The following OSBPL10 variants were observed in gnomAD, a reference collection of about 807,000 sequenced individuals.
OSBPL10 encodes oxysterol binding protein like 10, also known as oxysterol-binding protein-related protein 10.
A neutral mutation model predicts 81.7 loss-of-function variants in OSBPL10; 49 were observed. The ratio of observed to expected loss-of-function variants is 0.60; its 90% CI spans 0.48 to 0.76. The LOEUF (loss-of-function observed/expected upper bound fraction) is 0.76, where lower values mean the gene tolerates loss of function less well. Among genes scored for constraint, OSBPL10 ranks in the 30% least tolerant of loss-of-function variants. The pLI is 0.00. For synonymous variants in OSBPL10, 419 were observed against 383.6 expected, an observed-to-expected ratio of 1.09 and a Z score of -1.08; for missense variants, 923 against 987.8, an observed-to-expected ratio of 0.93 and a Z score of 0.88.
chr3:32,073,001 A>C (rs1255273870), intron 1 of OSBPL10, among the ~76,000 whole-genome samples: 1 of 152,120 alleles, frequency 6.6e-6, no homozygotes, highest in Non-Finnish European at 1.5e-5. Context: ...ACCGTCCTCA[A>C]TCTTCAGGAA....
intron 6 of OSBPL10, among the ~76,000 whole-genome samples, chr3:31,726,482 A>G (rs1437434166): frequency 1.3e-5 from 2 of 151,098 alleles, no homozygotes; most frequent in Non-Finnish European, 3.0e-5. Flanking sequence ...ATGCCCAGCT[A>G]ATTTTTGTAT....
chr3:31,762,629 C>CCTTTTTTTTTTTTTTTTT (rs1491572896), intron 4 of OSBPL10, among the ~76,000 whole-genome samples: 2 of 17,232 alleles, frequency 1.2e-4, no homozygotes, highest in Non-Finnish European at 1.8e-4. Flanking sequence ...CCATGCCCAG[C>CCTTTTTTTTTTTTTTTTT]ATTTTTTTTT....
At chr3:31,812,806 G>GAA (rs1277757141) in intron 4 of OSBPL10, among the ~76,000 whole-genome samples, 1 of 51,686 alleles carries the variant, frequency 1.9e-5, no homozygotes, top group Non-Finnish European at 3.7e-5. Flanking sequence ...AAGAAAGAAA[G>GAA]AAAGAAAGAA....
chr3:31,754,172 C>T (rs1044320925), intron 4 of OSBPL10, among the ~76,000 whole-genome samples: 4 of 152,134 alleles, frequency 2.6e-5, no homozygotes, highest in African/African-American at 9.7e-5. Flanking sequence ...GCCCTCCAAG[C>T]GTTCCCTTTA....
Position 31,965,706 on chromosome 3 carries a change from ATATAAAATATATAATATAAT to A in OSBPL10, c.281+15173_281+15192del, listed in dbSNP as rs1559535200. Among the ~76,000 whole-genome samples the A allele has an allele frequency of 1.6e-4, 11 of 66,862 alleles. 1 individual carries two copies. Among genetic ancestry groups the A allele is most frequent in the African/African-American group, 7.5e-4 (11 of 14,704 alleles). The allele number at this position is 66,862 out of a possible 152,430, so 43.9% of individuals were successfully genotyped here. A position where few individuals can be genotyped will look rare whatever the true frequency, so the allele number is the denominator to read the frequency against. On this transcript the variant is annotated intron_variant, in intron 1 of 11. Coordinates refer to ENST00000396556, the MANE Select transcript of OSBPL10 (RefSeq NM_017784.5). ...TATTATATAAAATATATAATATATTATATAAAATATATAATATAATATATATTATCTATTTATATAATATA... is the reference window on the plus strand; with the variant it reads ...TATTATATAAAATATATAATATATTAATATATTATCTATTTATATAATATA...
intron 1 of OSBPL10, among the ~76,000 whole-genome samples, chr3:31,951,798 G>T (rs556690716): frequency 2.3e-4 from 35 of 151,888 alleles, no homozygotes; most frequent in African/African-American, 7.7e-4. Flanking sequence ...AGTTAAAAAG[G>T]TAGGATAACT....
chr3:31,683,569 A>G, intron 8 of OSBPL10, 65 bp downstream of exon 8: 3 of 1,537,326 alleles, frequency 2.0e-6, no homozygotes, highest in Non-Finnish European at 2.6e-6. Flanking sequence ...AAAATTATCA[A>G]TCATCTACCA....
intron 6 of OSBPL10, among the ~76,000 whole-genome samples, chr3:31,719,578 TGACA>T (rs558567164): frequency 3.3e-5 from 5 of 152,154 alleles, no homozygotes; most frequent in Non-Finnish European, 5.9e-5. Flanking sequence ...TTCTTAATGG[TGACA>T]GACAGGATAA....
intron 4 of OSBPL10, among the ~76,000 whole-genome samples, chr3:31,756,758 C>A (rs187047126): frequency 6.6e-6 from 1 of 152,300 alleles, no homozygotes; most frequent in African/African-American, 2.4e-5. Flanking sequence ...ATGATCTTCT[C>A]TAGTGTATTT....
chr3:31,937,572 G>A (rs72852937), intron 1 of OSBPL10, among the ~76,000 whole-genome samples: 2 of 151,936 alleles, frequency 1.3e-5, no homozygotes, highest in East Asian at 1.9e-4. Context: ...TTTCAGTCCT[G>A]TCCAAAGTTC....
chr3:31,975,568 C>G (rs1698674075), intron 1 of OSBPL10, among the ~76,000 whole-genome samples: 1 of 152,128 alleles, frequency 6.6e-6, no homozygotes, highest in African/African-American at 2.4e-5. Flanking sequence ...CTAATGGCCC[C>G]CAATGGGTGA....
chr3:31,917,143 G>A (rs7641636), intron 1 of OSBPL10, among the ~76,000 whole-genome samples: 56,135 of 151,890 alleles, frequency 0.37, 12,253 homozygotes, highest in Non-Finnish European at 0.5. Context: ...TGTCACAGCC[G>A]GGGTTCAGCA....
At chr3:31,973,247 C>T (rs748469074) in intron 1 of OSBPL10, among the ~76,000 whole-genome samples, 1 of 152,172 alleles carries the variant, frequency 6.6e-6, no homozygotes, top group Non-Finnish European at 1.5e-5. Context: ...GCACACCAAA[C>T]GCAGACAGCC....
intron 4 of OSBPL10, among the ~76,000 whole-genome samples, chr3:31,829,519 G>T (rs904066426): frequency 6.6e-6 from 1 of 152,132 alleles, no homozygotes; most frequent in Admixed American, 6.5e-5. Flanking sequence ...GAGGTTCGGG[G>T]CTGTCAGAAG....
chr3:31,995,899 T>C (rs753501854), intron 2 of OSBPL10, among the ~76,000 whole-genome samples: 1 of 152,152 alleles, frequency 6.6e-6, no homozygotes, highest in Non-Finnish European at 1.5e-5. Flanking sequence ...CCGCTGTTAA[T>C]AACCATCCAT....
At chr3:31,870,460 G>A (rs1232719884) in intron 3 of OSBPL10, among the ~76,000 whole-genome samples, 2 of 152,234 alleles carry the variant, frequency 1.3e-5, no homozygotes, top group Non-Finnish European at 2.9e-5. Context: ...CTACTCCATA[G>A]CACCCAGTCC....
intron 3 of OSBPL10, among the ~76,000 whole-genome samples, chr3:31,857,712 TC>T (rs1273343274): frequency 5.5e-5 from 2 of 36,654 alleles, no homozygotes; most frequent in African/African-American, 2.0e-4. Flanking sequence ...AATCTCTTGT[TC>T]CCCTAACAGC....
intron 6 of OSBPL10, among the ~76,000 whole-genome samples, chr3:31,709,635 G>T (rs1443130116): frequency 6.6e-6 from 1 of 152,178 alleles, no homozygotes; most frequent in Non-Finnish European, 1.5e-5. Context: ...GTACAAAAAA[G>T]AAAAGGGAAG....
intron 7 of OSBPL10, among the ~76,000 whole-genome samples, chr3:31,694,469 A>T (rs1695655044): frequency 6.6e-6 from 1 of 150,402 alleles, no homozygotes; most frequent in East Asian, 2.0e-4. Flanking sequence ...ATTAAATTTT[A>T]AAATTATTTT....
Sources: allele counts gnomAD v4.1 joint callset (sites outside exome capture counted in the v4.1 genomes callset), GRCh38; gene constraint gnomAD v4.1.1; transcripts MANE v1.5; gene names NCBI Gene and HGNC (gene_info 2026-07-23, HGNC 2026-07-21).